GRM1: variants seen among roughly 807,000 people sequenced by gnomAD.
GRM1 encodes the protein metabotropic glutamate receptor 1.
A neutral mutation model predicts 90.9 loss-of-function variants in GRM1; 33 were observed. The ratio of observed to expected loss-of-function variants is 0.36; its 90% CI spans 0.28 to 0.49. GRM1 has a LOEUF of 0.49. GRM1 is among the 20% of genes least tolerant of loss of function. The pLI is 0.99. For missense variants in GRM1, 1,190 were observed against 1,534.3 expected (o/e 0.78, Z 3.75); for synonymous variants, 700 against 613.2 (o/e 1.14, Z -2.09).
intron 2 of GRM1, among the ~76,000 whole-genome samples, chr6:146,289,178 C>T (rs1782885550): frequency 6.6e-6 from 1 of 151,998 alleles, no homozygotes; most frequent in African/African-American, 2.4e-5. Flanking sequence ...CAGAAGAAGG[C>T]TTTGTTATCA....
Position 146,398,996 on chromosome 6 carries a change from A to G in GRM1, c.1957A>G (p.Thr653Ala), listed in dbSNP as rs1277903096. The change falls in exon 7 of 8, where the codon ACT becomes GCT. Residue 653 changes from threonine (T) to alanine (A), a missense_variant. Coordinates refer to ENST00000282753, the MANE Select transcript of GRM1 (RefSeq NM_001278064.2). ...CCCATTCACTCTCATTGCCAAACCT[A>G]CTACCACCTCCTGCTACCTCCAGCG... is the stretch of plus-strand genomic sequence containing the variant. ...VCPFTLIAKP[T>A]TTSCYLQRLL... 2 of 1,613,774 alleles carry G rather than the reference A, an allele frequency of 1.2e-6. No individual in the cohort carries two copies. The highest frequency in any genetic ancestry group is 2.2e-5 in the East Asian group (1 of 44,894).
At chr6:146,401,419 C>T (rs1482421977) in intron 7 of GRM1, among the ~76,000 whole-genome samples, 6 of 151,166 alleles carry the variant, frequency 4.0e-5, no homozygotes, top group South Asian at 2.1e-4. Flanking sequence ...AACAGTGCCA[C>T]GAAATGGGAA....
intron 1 of GRM1, among the ~76,000 whole-genome samples, chr6:146,130,676 C>G (rs1379781892): frequency 1.3e-5 from 2 of 151,952 alleles, no homozygotes; most frequent in African/African-American, 4.8e-5. Context: ...TAAAATTTCA[C>G]TAGTTTCACC....
intron 1 of GRM1, among the ~76,000 whole-genome samples, chr6:146,059,180 A>G (rs116310791): frequency 0.04 from 6,066 of 152,172 alleles, 396 homozygotes; most frequent in African/African-American, 0.13. Flanking sequence ...TGGCAGCTAT[A>G]GCTTCATGAA....
At chr6:146,041,990 C>T (rs1026860682) in intron 1 of GRM1, among the ~76,000 whole-genome samples, 4 of 151,944 alleles carry the variant, frequency 2.6e-5, no homozygotes, top group Admixed American at 2.0e-4. Flanking sequence ...TTACTGCATC[C>T]TCCAGAGAAA....
At chr6:146,096,982 G>A (rs932032397) in intron 1 of GRM1, among the ~76,000 whole-genome samples, 4 of 151,950 alleles carry the variant, frequency 2.6e-5, no homozygotes, top group Admixed American at 2.6e-4. Context: ...TACTATGCCA[G>A]GGAATGATAG....
At chr6:146,278,254 G>A (rs1782443222) in intron 2 of GRM1, among the ~76,000 whole-genome samples, 1 of 152,074 alleles carries the variant, frequency 6.6e-6, no homozygotes, top group African/African-American at 2.4e-5. Flanking sequence ...GCATAATCAG[G>A]TGATATAATA....
At chr6:146,293,538 T>G (rs1285206371) in intron 2 of GRM1, among the ~76,000 whole-genome samples, 3 of 152,028 alleles carry the variant, frequency 2.0e-5, no homozygotes, top group Non-Finnish European at 4.4e-5. Context: ...AACAATATCG[T>G]GAGTGATATT....
chr6:146,216,850 C>T (rs1392254057), intron 2 of GRM1, among the ~76,000 whole-genome samples: 3 of 152,156 alleles, frequency 2.0e-5, no homozygotes, highest in Admixed American at 1.3e-4. Context: ...CTGGAGGCCA[C>T]CTGTTTTCTG....
At chr6:146,230,462 G>T (rs1028778618) in intron 2 of GRM1, among the ~76,000 whole-genome samples, 3 of 152,164 alleles carry the variant, frequency 2.0e-5, no homozygotes, top group Admixed American at 6.6e-5. Context: ...ACAAAAAAGA[G>T]ATATCACCAC....
intron 2 of GRM1, among the ~76,000 whole-genome samples, chr6:146,186,286 T>G (rs1383453365): frequency 1.3e-5 from 2 of 152,144 alleles, no homozygotes; most frequent in East Asian, 3.9e-4. Context: ...CCTATAGATA[T>G]ACTCTTAATA....
intron 2 of GRM1, among the ~76,000 whole-genome samples, chr6:146,195,761 G>A (rs901974254): frequency 6.6e-6 from 1 of 152,198 alleles, no homozygotes; most frequent in African/African-American, 2.4e-5. Flanking sequence ...ATAAAGAAAG[G>A]CGATAGAGAG....
intron 7 of GRM1, among the ~76,000 whole-genome samples, chr6:146,415,596 C>G (rs1777752543): frequency 6.6e-6 from 1 of 152,164 alleles, no homozygotes; most frequent in Admixed American, 6.5e-5. Flanking sequence ...ACCACACTGA[C>G]CTGATTACTG....
Position 146,399,833 on chromosome 6 carries a change from G to A in GRM1, c.2660+134G>A. On this transcript the variant is annotated intron_variant, in intron 7 of 7. Transcript: ENST00000282753. This position sits in a 1 kb window ranked among gnomAD's most constrained non-coding sequence, Gnocchi z 5.4. ...GAGTTGTCTCTTCCATTTCCCCCATGTCTTTCTCTTCCTTTCTTAATCTTT... is the reference window on the plus strand; with the variant it reads ...GAGTTGTCTCTTCCATTTCCCCCATATCTTTCTCTTCCTTTCTTAATCTTT... The A allele has an allele frequency of 1.5e-6, 1 of 683,034 alleles. No homozygotes were observed. Among genetic ancestry groups the A allele is most frequent in the South Asian group, 1.6e-5 (1 of 61,264 alleles). The allele number at this position is 683,034 out of a possible 1,614,324, so 42.3% of individuals were successfully genotyped here. A position where few individuals can be genotyped will look rare whatever the true frequency, so the allele number is the denominator to read the frequency against.
In GRM1 at chr6:146,433,937, T is replaced by G. The variant is rs141525895; in HGVS notation, c.2726T>G (p.Met909Arg). 2.5e-6 allele frequency: 4 copies of G among 1,613,850 alleles called. No individual in the cohort carries two copies. Among genetic ancestry groups the G allele is most frequent in the African/African-American group, 2.7e-5 (2 of 75,040 alleles). Residue 909 changes from methionine to arginine, a missense_variant, in exon 8 of 8, where the codon ATG becomes AGG. Transcript: ENST00000282753. The stretch of plus-strand genomic sequence containing the variant: ...GGACAGGTGCCCAAGGGACAGCATA[T>G]GTGGCACCGCCTCTCTGTGCACGTG... ...GGGQVPKGQH[M>R]WHRLSVHVKT...
intron 1 of GRM1, among the ~76,000 whole-genome samples, chr6:146,135,135 T>C (rs1270128791): frequency 1.3e-5 from 2 of 152,170 alleles, no homozygotes; most frequent in African/African-American, 4.8e-5. Context: ...ATTATTTAAT[T>C]CTTAATGATA....
At chr6:146,045,621 A>C (rs1791296247) in intron 1 of GRM1, among the ~76,000 whole-genome samples, 1 of 151,940 alleles carries the variant, frequency 6.6e-6, no homozygotes, top group Admixed American at 6.6e-5. Flanking sequence ...ATGTAAATGT[A>C]AATGAAACAA....
intron 6 of GRM1, among the ~76,000 whole-genome samples, chr6:146,395,678 A>G (rs1776901404): frequency 1.3e-5 from 2 of 152,178 alleles, no homozygotes; most frequent in African/African-American, 4.8e-5. Flanking sequence ...TATTAACTAT[A>G]GGTCTTAATT....
At chr6:146,188,188 C>T (rs1351512013) in intron 2 of GRM1, among the ~76,000 whole-genome samples, 1 of 152,164 alleles carries the variant, frequency 6.6e-6, no homozygotes, top group African/African-American at 2.4e-5. Context: ...AGCCTTTTCT[C>T]TGATTTTCTT....
Sources: allele counts gnomAD v4.1 joint callset (sites outside exome capture counted in the v4.1 genomes callset), GRCh38; gene constraint gnomAD v4.1.1; non-coding constraint Gnocchi (gnomAD v3.1); transcripts MANE v1.5; gene names NCBI Gene and HGNC (gene_info 2026-07-23, HGNC 2026-07-21).